SPAG16: variants seen among roughly 807,000 people sequenced by gnomAD.
SPAG16 encodes the protein sperm associated antigen 16.
Under a neutral mutation model 80.4 loss-of-function variants are expected in SPAG16, and 86 were observed. That is an observed-to-expected ratio of 1.07 (90% confidence interval 0.90 to 1.28). The LOEUF (loss-of-function observed/expected upper bound fraction) is 1.28. Ranked by LOEUF, SPAG16 falls within the 50% of genes most tolerant of loss-of-function variation. The pLI is 0.00. For synonymous variants in SPAG16, 294 were observed against 265.9 expected, an observed-to-expected ratio of 1.11 and a Z score of -1.03; for missense variants, 870 against 765.3, an observed-to-expected ratio of 1.14 and a Z score of -1.61.
intron 15 of SPAG16, among the ~76,000 whole-genome samples, chr2:214,337,730 C>G (rs1322957585): frequency 6.6e-6 from 1 of 152,082 alleles, no homozygotes; most frequent in Non-Finnish European, 1.5e-5. Context: ...AGGGATATTA[C>G]GTTGGTAGGT....
chr2:214,325,337 T>C (rs1696400319), intron 15 of SPAG16, among the ~76,000 whole-genome samples: 1 of 152,216 alleles, frequency 6.6e-6, no homozygotes, highest in Admixed American at 6.5e-5. Flanking sequence ...TGCTCATCTG[T>C]GGACCAAACT....
intron 12 of SPAG16, among the ~76,000 whole-genome samples, chr2:213,986,790 A>G (rs1334309369): frequency 6.6e-6 from 1 of 151,394 alleles, no homozygotes; most frequent in Non-Finnish European, 1.5e-5. Context: ...TGTGTATGTA[A>G]CTATAGCACT....
chr2:213,829,101 G>A (rs186308775), intron 10 of SPAG16, among the ~76,000 whole-genome samples: 4 of 152,266 alleles, frequency 2.6e-5, no homozygotes, highest in African/African-American at 7.2e-5. Context: ...AGCCAAATTC[G>A]CATCCTTCCC....
At chr2:214,053,997 C>T (rs539300480) in intron 13 of SPAG16, among the ~76,000 whole-genome samples, 238 of 152,144 alleles carry the variant, frequency 1.6e-3, no homozygotes, top group African/African-American at 5.2e-3. Context: ...CACCCCCACT[C>T]CCTTTTTTTT....
chr2:214,299,291 C>T (rs1413424814), intron 15 of SPAG16, among the ~76,000 whole-genome samples: 5 of 146,336 alleles, frequency 3.4e-5, no homozygotes, highest in African/African-American at 1.0e-4. Flanking sequence ...TGCTGTGTCA[C>T]CCAGGCTGGA....
Position 213,292,702 on chromosome 2 carries a change from A to G in SPAG16, c.137-3362A>G, listed in dbSNP as rs185466233. On this transcript the variant is annotated intron_variant, in intron 1 of 15. Transcript: ENST00000331683. ...AAAAAAAACAAAAAAAAACAAAACT[A>G]TCAGAAAGATATAAATCTATAACTG... Among the ~76,000 whole-genome samples the G allele has an allele frequency of 3.5e-3, 522 of 150,522 alleles. 14 individuals are homozygous for G. Among genetic ancestry groups the G allele is most frequent in the Non-Finnish European group, 5.9e-3 (397 of 67,816 alleles).
chr2:214,016,794 A>G (rs1417053747), intron 13 of SPAG16, among the ~76,000 whole-genome samples: 2 of 152,232 alleles, frequency 1.3e-5, no homozygotes, highest in African/African-American at 4.8e-5. Context: ...AAAGATCACA[A>G]GAGAAACAAT....
intron 9 of SPAG16, among the ~76,000 whole-genome samples, chr2:213,463,041 C>CAAA (rs753371910): frequency 1.3e-5 from 2 of 152,114 alleles, no homozygotes; most frequent in South Asian, 4.1e-4. Context: ...TAATGAAGTC[C>CAAA]AGGCTGAGGT....
chr2:213,962,200 T>G (rs1166307483), intron 12 of SPAG16, among the ~76,000 whole-genome samples: 1 of 151,152 alleles, frequency 6.6e-6, no homozygotes, highest in Admixed American at 6.6e-5. Context: ...TTTTTATGTT[T>G]TTTTTTTTTT....
In SPAG16 at chr2:214,179,199, C is replaced by T. The variant is rs531094065; in HGVS notation, c.1720+29933C>T. 1.1e-4 allele frequency among the ~76,000 whole-genome samples: 16 copies of T among 151,432 alleles called. No homozygotes were observed. The South Asian group carries it at 2.7e-3, about 26-fold the overall frequency. ...CATTTGCCAAATTAGAAAAGCTGGA[C>T]CTGTGATCTAAAAGATCCAATTCTC... On this transcript the variant is annotated intron_variant, in intron 15 of 15. Transcript: ENST00000331683.
At chr2:214,301,089 G>A (rs1694519217) in intron 15 of SPAG16, among the ~76,000 whole-genome samples, 1 of 149,304 alleles carries the variant, frequency 6.7e-6, no homozygotes, top group South Asian at 2.1e-4. Flanking sequence ...GCTAAATCCA[G>A]AAGCACATCA....
intron 12 of SPAG16, among the ~76,000 whole-genome samples, chr2:213,977,129 C>T (rs1367095049): frequency 6.6e-6 from 1 of 151,864 alleles, no homozygotes; most frequent in African/African-American, 2.4e-5. Flanking sequence ...TGGGAGGGAA[C>T]CATACAAAGA....
intron 15 of SPAG16, among the ~76,000 whole-genome samples, chr2:214,400,639 T>A (rs1344204928): frequency 6.6e-6 from 1 of 151,994 alleles, no homozygotes; most frequent in Non-Finnish European, 1.5e-5. Context: ...TTTAAAACCA[T>A]TTTTGGCAAA....
At chr2:213,814,326 C>T (rs2072377685) in intron 10 of SPAG16, among the ~76,000 whole-genome samples, 1 of 152,154 alleles carries the variant, frequency 6.6e-6, no homozygotes, top group Admixed American at 6.5e-5. Context: ...GGGTGATCTG[C>T]TTTACTCAAT....
chr2:213,474,322 G>A (rs1416973471), intron 9 of SPAG16, among the ~76,000 whole-genome samples: 4 of 152,146 alleles, frequency 2.6e-5, no homozygotes, highest in Non-Finnish European at 2.9e-5. Flanking sequence ...ATTTCAGCTC[G>A]TTCTCTACAG....
chr2:213,815,917 CTTAG>C (rs1284089115), intron 10 of SPAG16, among the ~76,000 whole-genome samples: 1 of 152,036 alleles, frequency 6.6e-6, no homozygotes, highest in African/African-American at 2.4e-5. Context: ...CAAAAATATA[CTTAG>C]TTGGACTGTA....
At chr2:213,754,668 TCTTA>T (rs1464996920) in intron 10 of SPAG16, among the ~76,000 whole-genome samples, 2 of 32,248 alleles carry the variant, frequency 6.2e-5, no homozygotes, top group Admixed American at 3.5e-4. Context: ...CCTACGATAG[TCTTA>T]CATTAGTCAA....
chr2:213,555,112 G>T (rs2059386936), intron 10 of SPAG16, among the ~76,000 whole-genome samples: 1 of 151,976 alleles, frequency 6.6e-6, no homozygotes. Context: ...AGCAAATAAG[G>T]TAGTTCCAAT....
chr2:213,838,002 G>A (rs1484749843), intron 10 of SPAG16, among the ~76,000 whole-genome samples: 2 of 151,992 alleles, frequency 1.3e-5, no homozygotes, highest in Non-Finnish European at 2.9e-5. Context: ...TGTCTCCAAC[G>A]TCATATTTTG....
Sources: gnomAD v4.1 joint callset for allele counts (sites outside exome capture counted in the v4.1 genomes callset) on GRCh38, gnomAD v4.1.1 for gene constraint, MANE v1.5 for transcripts, NCBI Gene and HGNC (gene_info 2026-07-23, HGNC 2026-07-21) for gene names.